Variants in CFAP54 observed in about 807,000 individuals in gnomAD.
CFAP54 encodes the protein cilia- and flagella-associated protein 54.
CFAP54 carries 290 observed loss-of-function variants against 370.4 expected under a neutral mutation model. That is an observed-to-expected ratio of 0.78 (90% CI 0.71 to 0.86). The LOEUF (loss-of-function observed/expected upper bound fraction) is 0.86. Ranked by LOEUF, CFAP54 falls within the 40% of genes least tolerant of loss-of-function variation. The pLI is 0.00. For missense variants in CFAP54, 3,399 were observed against 3,528.7 expected (o/e 0.96, Z 0.93); for synonymous variants, 1,206 against 1,236.5 (o/e 0.98, Z 0.52).
intron 32 of CFAP54, among the ~76,000 whole-genome samples, chr12:96,633,735 T>G (rs1464193764): frequency 6.6e-6 from 1 of 152,242 alleles, no homozygotes; most frequent in African/African-American, 2.4e-5. Context: ...GGAATAATGC[T>G]GTGATGAACA....
Position 96,555,409 on chromosome 12 carries a change from A to G in CFAP54, c.2410+607A>G, listed in dbSNP as rs943619263. Among the ~76,000 whole-genome samples the G allele has an allele frequency of 3.3e-5, 5 of 151,890 alleles. No homozygotes were observed. The East Asian group carries it at 9.6e-4, about 29-fold the overall frequency. On this transcript the variant is annotated intron_variant, in intron 17 of 67. Transcript: ENST00000524981. ...GCAGGAAGATGAAAAAAATATTTAT[A>G]CTGAGAATTCTAGCCAATGCAAGAA...
At chr12:96,755,171 T>C (rs1053845515) in intron 56 of CFAP54, among the ~76,000 whole-genome samples, 19 of 152,200 alleles carry the variant, frequency 1.2e-4, no homozygotes, top group Non-Finnish European at 1.9e-4. Flanking sequence ...TTTTTCTCCT[T>C]AGGTTTGTGA....
chr12:96,538,836 C>T (rs544956853), intron 13 of CFAP54, among the ~76,000 whole-genome samples: 1 of 151,920 alleles, frequency 6.6e-6, no homozygotes, highest in East Asian at 1.9e-4. Flanking sequence ...ACTGCAACCT[C>T]TGCCTCCTGG....
intron 30 of CFAP54, among the ~76,000 whole-genome samples, chr12:96,627,627 C>A (rs575608653): frequency 6.6e-6 from 1 of 152,038 alleles, no homozygotes; most frequent in African/African-American, 2.4e-5. Context: ...AGATTTCTTC[C>A]TAAAATAGGT....
At chr12:96,715,430 T>C (rs986860391) in intron 48 of CFAP54, among the ~76,000 whole-genome samples, 2 of 151,990 alleles carry the variant, frequency 1.3e-5, no homozygotes, top group African/African-American at 4.8e-5. Context: ...TTATGTTTGA[T>C]GGACTAAGGA....
chr12:96,540,814 T>C, intron 13 of CFAP54, 23 bp from the exon 14 acceptor site: 1 of 1,374,490 alleles, frequency 7.3e-7, no homozygotes, highest in Middle Eastern at 2.0e-4. Flanking sequence ...TAATTAATTT[T>C]GCTGTGTATT....
intron 26 of CFAP54, among the ~76,000 whole-genome samples, chr12:96,610,967 C>T (rs1956352012): frequency 6.6e-6 from 1 of 152,234 alleles, no homozygotes; most frequent in Admixed American, 6.5e-5. Flanking sequence ...GGGGGCAGGG[C>T]ACAGTCGAAC....
At chr12:96,511,460 A>T (rs1435839982) in intron 4 of CFAP54, among the ~76,000 whole-genome samples, 2 of 152,228 alleles carry the variant, frequency 1.3e-5, no homozygotes, top group African/African-American at 4.8e-5. Flanking sequence ...CTGGGATTAC[A>T]GGTGCATACC....
chr12:96,784,394 G>T lies in CFAP54; in HGVS notation c.8282-323G>T, dbSNP rs534095007. Among the ~76,000 whole-genome samples, 9 of 152,032 alleles carry T rather than the reference G, an allele frequency of 5.9e-5. No individual in the cohort carries two copies. The East Asian group carries it at 1.7e-3, about 29-fold the overall frequency. ...ACTTGGGTTTACTTTTCTATGAATT[G>T]CCTGTTGATATTCTTTGTCCACTTT... On this transcript the variant is annotated intron_variant, in intron 60 of 67. Coordinates refer to ENST00000524981, the MANE Select transcript of CFAP54 (RefSeq NM_001306084.2).
At chr12:96,497,789 C>T (rs890084124) in intron 1 of CFAP54, among the ~76,000 whole-genome samples, 4 of 152,190 alleles carry the variant, frequency 2.6e-5, no homozygotes, top group African/African-American at 4.8e-5. Flanking sequence ...TAATAAATTT[C>T]GTTACACTGT....
intron 32 of CFAP54, among the ~76,000 whole-genome samples, chr12:96,640,740 G>A (rs1956717213): frequency 6.6e-6 from 1 of 152,076 alleles, no homozygotes; most frequent in East Asian, 1.9e-4. Flanking sequence ...ATAGACTAAT[G>A]GAACAGAACA....
At chr12:96,741,138 T>G (rs1958046302) in intron 51 of CFAP54, among the ~76,000 whole-genome samples, 1 of 152,194 alleles carries the variant, frequency 6.6e-6, no homozygotes, top group Non-Finnish European at 1.5e-5. Context: ...CTATCCTCCC[T>G]GTGGGCCTCT....
rs765780670 is a variant in CFAP54, at chr12:96,743,569, A to G, written c.7377+10A>G. 22 of 1,613,760 alleles carry G rather than the reference A, an allele frequency of 1.4e-5. No homozygotes were observed. The highest frequency in any genetic ancestry group is 1.9e-5 in the Non-Finnish European group (22 of 1,179,910). On this transcript the variant is annotated intron_variant, in intron 53 of 67. Coordinates refer to ENST00000524981, the MANE Select transcript of CFAP54 (RefSeq NM_001306084.2). ...CATGACAAACCTTCAGGTAGAAAGGAAACTTTGTTCGTATTTATAGTCAGG... is the reference window on the plus strand; with the variant it reads ...CATGACAAACCTTCAGGTAGAAAGGGAACTTTGTTCGTATTTATAGTCAGG...
chr12:96,658,497 A>G (rs979152118), intron 38 of CFAP54, 151 bp downstream of exon 38: 38 of 1,010,768 alleles, frequency 3.8e-5, no homozygotes, highest in Non-Finnish European at 5.0e-5. Flanking sequence ...AACAAACATT[A>G]TTGAGAGCCT....
intron 46 of CFAP54, among the ~76,000 whole-genome samples, chr12:96,704,452 GTATATATATATA>G (rs71068825): frequency 0.011 from 664 of 61,248 alleles, 15 homozygotes; most frequent in African/African-American, 0.024. Context: ...ATGTATGTGT[GTATATATATATA>G]TATATATATA....
intron 7 of CFAP54, 50 bp from the exon 8 acceptor site, chr12:96,522,038 G>A: frequency 1.3e-6 from 2 of 1,523,816 alleles, no homozygotes; most frequent in Non-Finnish European, 1.8e-6. Context: ...TTAGTAGTTG[G>A]GAAGTGCATC....
chr12:96,723,838 C>A (rs1213428206), intron 50 of CFAP54, among the ~76,000 whole-genome samples: 2 of 111,232 alleles, frequency 1.8e-5, no homozygotes, highest in African/African-American at 3.5e-5. Flanking sequence ...CTCCCCCCAC[C>A]CCACAACAGT....
At chr12:96,553,705 G>A (rs1317679385) in intron 15 of CFAP54, among the ~76,000 whole-genome samples, 1 of 151,560 alleles carries the variant, frequency 6.6e-6, no homozygotes. Flanking sequence ...CTGTGAGAAT[G>A]ATTACATTAA....
chr12:96,564,289 A>G (rs1413767391), intron 17 of CFAP54, among the ~76,000 whole-genome samples, 179 bp from the exon 18 acceptor site: 3 of 152,234 alleles, frequency 2.0e-5, no homozygotes, highest in Non-Finnish European at 4.4e-5. Context: ...TGTGGCAAAT[A>G]AAAGAGGATT....
Sources: gnomAD v4.1 joint callset for allele counts (sites outside exome capture counted in the v4.1 genomes callset) on GRCh38, gnomAD v4.1.1 for gene constraint, MANE v1.5 for transcripts, NCBI Gene and HGNC (gene_info 2026-07-23, HGNC 2026-07-21) for gene names.